Variants in STAM2 observed in about 807,000 individuals in gnomAD.
STAM2 encodes the protein signal transducing adaptor molecule 2.
STAM2 carries 51 observed loss-of-function variants against 65.6 expected under a neutral mutation model. The observed-to-expected ratio is 0.78, with a 90% CI of 0.62 to 0.98. The LOEUF is 0.98. Ranked by LOEUF, STAM2 falls within the 50% of genes least tolerant of loss-of-function variation. The pLI is 0.00. For missense variants in STAM2, 584 were observed against 617.8 expected (o/e 0.95, Z 0.58); for synonymous variants, 198 against 208.4 (o/e 0.95, Z 0.43).
chr2:152,122,070 ATATATATG>A (rs776146584), intron 13 of STAM2, among the ~76,000 whole-genome samples: 4 of 112,252 alleles, frequency 3.6e-5, no homozygotes, highest in Admixed American at 1.1e-4. Context: ...ATATATATAT[ATATATATG>A]TGTGTGTGTG....
intron 1 of STAM2, among the ~76,000 whole-genome samples, chr2:152,172,407 G>A (rs1002909938): frequency 3.3e-5 from 5 of 152,034 alleles, no homozygotes; most frequent in Non-Finnish European, 7.4e-5. Flanking sequence ...CTCAGCCCCT[G>A]AGAAAAGGAT....
chr2:152,133,105 AC>A (rs1453775607), intron 10 of STAM2, 67 bp downstream of exon 10: 12 of 778,650 alleles, frequency 1.5e-5, no homozygotes, highest in Non-Finnish European at 2.1e-5. Flanking sequence ...GGCAGAAGAA[AC>A]TGAAGACATC....
intron 1 of STAM2, among the ~76,000 whole-genome samples, chr2:152,160,058 T>C (rs1404493898): frequency 1.3e-5 from 2 of 152,208 alleles, no homozygotes; most frequent in East Asian, 3.9e-4. Context: ...TGGAGTGCAG[T>C]GGCGTGATCT....
At position 152,120,657 on chromosome 2, in the gene STAM2, G is replaced by A; in HGVS notation, c.1495C>T (p.Gln499Ter). The A allele has an allele frequency of 6.2e-7, 1 of 1,614,098 alleles. No homozygotes were observed. ...ACTGTCACCGGAAAGCCTGCCAGTT[G>A]AGGCAAATTGGAAGTAGTGTTCTGA... Reference protein sequence around the residue: ...SYQNTTSNLPQLAGFPVTVPA... With the variant: ...SYQNTTSNLP Residue 499 changes from glutamine to a stop codon, truncating the protein, a stop_gained, in exon 14 of 14, where the codon CAA (glutamine) becomes TAA (stop). Transcript: ENST00000263904. LOFTEE classifies it high-confidence loss of function.
intron 5 of STAM2, 106 bp downstream of exon 5, chr2:152,147,056 T>C (rs1689349507): frequency 1.8e-6 from 2 of 1,087,626 alleles, no homozygotes; most frequent in Middle Eastern, 2.4e-4. Context: ...ATTTGGGAAG[T>C]AAAGGTGGAA....
chr2:152,140,865 T>C (rs1477237233), intron 7 of STAM2, among the ~76,000 whole-genome samples: 1 of 152,158 alleles, frequency 6.6e-6, no homozygotes. Context: ...CCAGGCACAG[T>C]GGCTCACGCC....
chr2:152,133,368 A>G, intron 9 of STAM2, 34 bp downstream of exon 9: 1 of 1,553,524 alleles, frequency 6.4e-7, no homozygotes, highest in Non-Finnish European at 8.9e-7. Flanking sequence ...AAATGTCTTG[A>G]TAGTTTAACT....
intron 1 of STAM2, among the ~76,000 whole-genome samples, chr2:152,173,265 A>C (rs1472252324): frequency 6.7e-6 from 1 of 149,824 alleles, no homozygotes; most frequent in Non-Finnish European, 1.5e-5. Flanking sequence ...CAAGTGAAAA[A>C]GACAATGACA....
At chr2:152,144,108 C>A in intron 6 of STAM2, 95 bp from the exon 7 acceptor site, 242 of 859,718 alleles carry the variant, frequency 2.8e-4, no homozygotes, top group East Asian at 1.0e-3. Flanking sequence ...ATAAATCAAG[C>A]ATTTTATTTG....
chr2:152,168,853 A>G (rs928774553), intron 1 of STAM2, among the ~76,000 whole-genome samples: 1 of 152,264 alleles, frequency 6.6e-6, no homozygotes, highest in Non-Finnish European at 1.5e-5. Flanking sequence ...GTGATTAGAC[A>G]ATTGATTATT....
At chr2:152,167,116 A>G (rs893783616) in intron 1 of STAM2, among the ~76,000 whole-genome samples, 1 of 152,206 alleles carries the variant, frequency 6.6e-6, no homozygotes, top group African/African-American at 2.4e-5. Flanking sequence ...TTTTTTAAAT[A>G]TGAGATTAAA....
intron 7 of STAM2, among the ~76,000 whole-genome samples, chr2:152,142,859 C>A (rs1000590645): frequency 1.3e-5 from 2 of 151,974 alleles, no homozygotes; most frequent in Non-Finnish European, 2.9e-5. Flanking sequence ...CTTTTCCCAT[C>A]CTCAACTTCT....
chr2:152,167,730 A>AG (rs1378484772), intron 1 of STAM2, among the ~76,000 whole-genome samples: 2 of 87,246 alleles, frequency 2.3e-5, no homozygotes, highest in African/African-American at 1.5e-4. Flanking sequence ...CCTCATTTCT[A>AG]GAAAAAAATA....
chr2:152,166,820 A>G (rs1689796063), intron 1 of STAM2, among the ~76,000 whole-genome samples: 1 of 152,248 alleles, frequency 6.6e-6, no homozygotes, highest in Non-Finnish European at 1.5e-5. Flanking sequence ...TGACAAATGA[A>G]AGTAAAAGCT....
intron 1 of STAM2, among the ~76,000 whole-genome samples, chr2:152,171,141 G>C (rs562543609): frequency 6.6e-6 from 1 of 152,132 alleles, no homozygotes; most frequent in South Asian, 2.1e-4. Context: ...TATTTATAGA[G>C]TGTTTAACTC....
intron 7 of STAM2, among the ~76,000 whole-genome samples, chr2:152,141,984 CA>C (rs1352988974): frequency 1.3e-5 from 2 of 152,184 alleles, no homozygotes; most frequent in African/African-American, 4.8e-5. Context: ...TCAAATTCCA[CA>C]AAAGTATAAA....
At chr2:152,145,671 G>C (rs1689325909) in intron 5 of STAM2, among the ~76,000 whole-genome samples, 1 of 152,224 alleles carries the variant, frequency 6.6e-6, no homozygotes, top group African/African-American at 2.4e-5. Flanking sequence ...TCACTGAAGA[G>C]AGAGGAATGG....
rs576505373 is a variant in STAM2 at position 152,132,101 on chromosome 2, C to A, written c.1025+13G>T. 2.7e-5 allele frequency: 43 copies of A among 1,604,674 alleles called. No individual in the cohort carries two copies. Among genetic ancestry groups the A allele is most frequent in the Non-Finnish European group, 3.7e-5 (43 of 1,173,054 alleles). ...CAAAACTATACTTTTTATTCCTGCA[C>A]GAAAAATCTCACCTATCAATTTCTT... On this transcript the variant is annotated intron_variant, in intron 11 of 13. Transcript: ENST00000263904.
chr2:152,169,591 T>C (rs1324710163), intron 1 of STAM2, among the ~76,000 whole-genome samples: 3 of 151,888 alleles, frequency 2.0e-5, no homozygotes, highest in African/African-American at 7.3e-5. Flanking sequence ...CCCAACAGAA[T>C]AATAAAAGTA....
Sources: allele counts gnomAD v4.1 joint callset (sites outside exome capture counted in the v4.1 genomes callset), GRCh38; gene constraint gnomAD v4.1.1; transcripts MANE v1.5; gene names NCBI Gene and HGNC (gene_info 2026-07-23, HGNC 2026-07-21).